TOM1: variants seen among roughly 807,000 people sequenced by gnomAD.
The protein encoded by TOM1 is target of Myb protein 1.
In TOM1, 38 loss-of-function variants were observed where a neutral mutation model predicts 61.3. The observed-to-expected ratio is 0.62, with a 90% CI of 0.48 to 0.81. The LOEUF (loss-of-function observed/expected upper bound fraction) is 0.81. Among genes scored for constraint, TOM1 ranks in the 40% least tolerant of loss-of-function variants. TOM1 has a pLI of 0.00. For missense variants in TOM1, 591 were observed against 659.6 expected (o/e 0.90, Z 1.14); for synonymous variants, 270 against 268.8 (o/e 1.00, Z -0.04).
chr22:35,330,095 T>C (rs368387151), intron 7 of TOM1, among the ~76,000 whole-genome samples: 68 of 151,194 alleles, frequency 4.5e-4, no homozygotes, highest in African/African-American at 1.6e-3. Context: ...CTGGCTAATA[T>C]GGCGAAACCC....
chr22:35,303,053 G>A (rs573144401), intron 1 of TOM1, among the ~76,000 whole-genome samples: 92 of 152,074 alleles, frequency 6.0e-4, no homozygotes, highest in Admixed American at 5.4e-3. Context: ...ACATCCCTCA[G>A]ATGGTGATTC....
chr22:35,338,314 C>T lies in TOM1; in HGVS notation c.1149-399C>T, dbSNP rs377022468. Among the ~76,000 whole-genome samples the T allele has an allele frequency of 7.2e-5, 11 of 152,290 alleles. No individual in the cohort carries two copies. The East Asian group carries it at 2.1e-3, about 29-fold the overall frequency. ...GTGTTTTCAGCAGCAGAATGGAATC[C>T]CCCATTCAAATACGACCTCATACAC... On this transcript the variant is annotated intron_variant, in intron 11 of 14. Transcript: ENST00000449058.
chr22:35,329,908 G>A (rs932366579), intron 7 of TOM1, among the ~76,000 whole-genome samples: 2 of 152,194 alleles, frequency 1.3e-5, no homozygotes, highest in African/African-American at 2.4e-5. Flanking sequence ...AAGCTGTTCC[G>A]TGGAACCTTG....
intron 1 of TOM1, among the ~76,000 whole-genome samples, chr22:35,312,801 CTG>C (rs969312027): frequency 8.5e-5 from 13 of 152,328 alleles, no homozygotes; most frequent in African/African-American, 3.1e-4. Context: ...GTACAGCTGA[CTG>C]TGGCTGACGC....
chr22:35,307,286 A>G (rs1926405634), intron 1 of TOM1, among the ~76,000 whole-genome samples: 1 of 152,034 alleles, frequency 6.6e-6, no homozygotes, highest in African/African-American at 2.4e-5. Flanking sequence ...ACCTCATCCT[A>G]TATAATTATA....
At chr22:35,332,884 T>C (rs559901895) in intron 8 of TOM1, 97 bp from the exon 9 acceptor site, 1 of 1,217,318 alleles carries the variant, frequency 8.2e-7, no homozygotes, top group African/African-American at 1.5e-5. Context: ...ACCCACCGTG[T>C]TGATGTTGAG....
chr22:35,330,856 A>G (rs984705805), intron 8 of TOM1, among the ~76,000 whole-genome samples: 1 of 152,242 alleles, frequency 6.6e-6, no homozygotes, highest in Non-Finnish European at 1.5e-5. Flanking sequence ...CAAGCTACAC[A>G]AAACATTTCT....
At chr22:35,307,536 C>T (rs1038327231) in intron 1 of TOM1, among the ~76,000 whole-genome samples, 2 of 152,198 alleles carry the variant, frequency 1.3e-5, no homozygotes, top group Non-Finnish European at 2.9e-5. Context: ...CGCCCCTTCC[C>T]GGCTGTGTCC....
In TOM1 at chr22:35,323,747, ATCCTGTTT is replaced by A; in HGVS notation, c.502-16_502-9del. On this transcript the variant is annotated splice_polypyrimidine_tract_variant and intron_variant, in intron 5 of 14. Coordinates refer to ENST00000449058, the MANE Select transcript of TOM1 (RefSeq NM_005488.3). The surrounding 1 kb of genome is among the most constrained non-coding windows in gnomAD (Gnocchi z 4.2). Reference sequence around the variant, plus strand: ...TTGATGTTCCCAGGAGCCCTCACTGATCCTGTTTTCCTCCCACTAGACCGTGTTCAACT... The same window carrying A: ...TTGATGTTCCCAGGAGCCCTCACTGATCCTCCCACTAGACCGTGTTCAACT... The A allele has an allele frequency of 6.2e-7, 1 of 1,600,028 alleles. No individual in the cohort carries two copies. Among genetic ancestry groups the A allele is most frequent in the Non-Finnish European group, 8.5e-7 (1 of 1,170,722 alleles).
At chr22:35,307,914 T>A (rs1403807323) in intron 1 of TOM1, among the ~76,000 whole-genome samples, 1 of 152,222 alleles carries the variant, frequency 6.6e-6, no homozygotes, top group Non-Finnish European at 1.5e-5. Flanking sequence ...AAACATTATT[T>A]TAGATGTTTC....
At chr22:35,299,872 G>C (rs993928242), upstream of TOM1, 19 of 1,550,806 alleles carry the variant, frequency 1.2e-5, no homozygotes, top group Admixed American at 1.9e-4. Context: ...CGGGTCGGTG[G>C]CGCTGGCGGT....
chr22:35,342,016 C>T (rs1929916975), intron 12 of TOM1, among the ~76,000 whole-genome samples: 2 of 152,118 alleles, frequency 1.3e-5, no homozygotes, highest in Non-Finnish European at 2.9e-5. Context: ...TGGCAGGTAC[C>T]TGTAGTGCCA....
At chr22:35,338,934 G>C in intron 12 of TOM1, 146 bp downstream of exon 12, 1 of 738,480 alleles carries the variant, frequency 1.4e-6, no homozygotes, top group Non-Finnish European at 2.1e-6. Flanking sequence ...GGTTCTTTTT[G>C]GCTAGTGTGG....
upstream of TOM1, chr22:35,299,290 G>A (rs1340489962): frequency 6.6e-6 from 1 of 152,216 alleles, no homozygotes. Flanking sequence ...TTGCCATCCT[G>A]GGCGCTAGAG....
intron 1 of TOM1, among the ~76,000 whole-genome samples, chr22:35,309,106 T>C (rs188549780): frequency 1.0e-3 from 159 of 152,324 alleles, no homozygotes; most frequent in Non-Finnish European, 1.7e-3. Flanking sequence ...CTCAATCATG[T>C]TGTGGTTGAT....
intron 1 of TOM1, among the ~76,000 whole-genome samples, chr22:35,307,040 A>G (rs1031955839): frequency 6.6e-6 from 1 of 152,068 alleles, no homozygotes; most frequent in Non-Finnish European, 1.5e-5. Context: ...TAGAAAAAAA[A>G]AAACCCAAAC....
chr22:35,301,475 G>A (rs1223050631), intron 1 of TOM1, among the ~76,000 whole-genome samples: 1 of 152,128 alleles, frequency 6.6e-6, no homozygotes, highest in East Asian at 1.9e-4. Context: ...ACACTTCTCC[G>A]GAGGATGGTT....
In TOM1 at chr22:35,334,441, C is replaced by A; in HGVS notation, c.1141C>A (p.Arg381=). The A allele has an allele frequency of 6.2e-7, 1 of 1,613,974 alleles. No homozygotes were observed. Among genetic ancestry groups the A allele is most frequent in the Non-Finnish European group, 8.5e-7 (1 of 1,179,998 alleles). The change falls in exon 11 of 15, where the codon CGG becomes AGG. Residue 381 remains arginine (R), a synonymous_variant. Coordinates refer to ENST00000449058, the MANE Select transcript of TOM1 (RefSeq NM_005488.3). ...LTRGSSLADQ[R]KEVKYEAPQA... ...ACGGGGCAGCTCACTGGCTGACCAA[C>A]GGAAAGAGTGAGTGGCCTGGCCCTG...
intron 1 of TOM1, among the ~76,000 whole-genome samples, chr22:35,316,480 C>T (rs1163504963): frequency 6.6e-6 from 1 of 152,172 alleles, no homozygotes; most frequent in Non-Finnish European, 1.5e-5. Context: ...CGAGTTCCTG[C>T]GTTCATCATT....
Sources: allele counts gnomAD v4.1 joint callset (sites outside exome capture counted in the v4.1 genomes callset), GRCh38; gene constraint gnomAD v4.1.1; non-coding constraint Gnocchi (gnomAD v3.1); transcripts MANE v1.5; gene names NCBI Gene and HGNC (gene_info 2026-07-23, HGNC 2026-07-21).